The following TTPAL variants were observed in gnomAD, a reference collection of about 807,000 sequenced individuals.
The protein encoded by TTPAL is alpha-tocopherol transfer protein-like.
TTPAL carries 21 observed loss-of-function variants against 28.7 expected under a neutral mutation model. The observed-to-expected ratio is 0.73, with a 90% CI of 0.52 to 1.06. The LOEUF (loss-of-function observed/expected upper bound fraction) is 1.06, where lower values mean the gene tolerates loss of function less well. Among genes scored for constraint, TTPAL ranks in the 50% least tolerant of loss-of-function variants. The pLI is 0.00. For missense variants in TTPAL, 345 were observed against 425.5 expected (o/e 0.81, Z 1.67); for synonymous variants, 169 against 171.9 (o/e 0.98, Z 0.13).
At chr20:44,483,072 G>A (rs1490893405) in intron 2 of TTPAL, among the ~76,000 whole-genome samples, 1 of 152,138 alleles carries the variant, frequency 6.6e-6, no homozygotes, top group Non-Finnish European at 1.5e-5. Flanking sequence ...TGGCCAGGCT[G>A]GTCTTGAACT....
chr20:44,486,488 G>A (rs766165025), intron 3 of TTPAL, 108 bp from the exon 4 acceptor site: 4 of 700,814 alleles, frequency 5.7e-6, no homozygotes, highest in Non-Finnish European at 1.0e-5. Flanking sequence ...GAGGCCATAA[G>A]GATCAGATCA....
intron 3 of TTPAL, among the ~76,000 whole-genome samples, chr20:44,485,627 T>G (rs367603909): frequency 6.6e-6 from 1 of 152,144 alleles, no homozygotes; most frequent in Non-Finnish European, 1.5e-5. Context: ...TTGGACATTA[T>G]CAAACATTTG....
chr20:44,478,569 A>C (rs535143847), intron 1 of TTPAL: 10 of 152,364 alleles, frequency 6.6e-5, no homozygotes, highest in African/African-American at 2.4e-4. Context: ...GTAGTAAAAA[A>C]TTCAAACAGT....
rs1377170401 is a variant in TTPAL, at chr20:44,491,739, A to C, written c.*2198A>C. On this transcript the variant is annotated 3_prime_UTR_variant, in exon 5 of 5. Transcript: ENST00000262605. ...GGCAAGTGGGATGGCTGAAGGAGGG[A>C]AGGAGGGGGTTCAGAACCCACTGGC... The C allele has an allele frequency of 1.3e-5, 2 of 152,278 alleles. No individual in the cohort carries two copies. Among genetic ancestry groups the C allele is most frequent in the Admixed American group, 1.3e-4 (2 of 15,274 alleles). 9.4% of individuals were successfully genotyped at this position (152,278 alleles called of 1,614,324 possible).
intron 1 of TTPAL, among the ~76,000 whole-genome samples, chr20:44,477,555 C>A (rs2064055733): frequency 6.6e-6 from 1 of 152,218 alleles, no homozygotes; most frequent in Admixed American, 6.5e-5. Context: ...TCTAAATGGT[C>A]TGCTTCAGTC....
chr20:44,477,930 C>T (rs2064061108), intron 1 of TTPAL, among the ~76,000 whole-genome samples: 1 of 152,176 alleles, frequency 6.6e-6, no homozygotes, highest in South Asian at 2.1e-4. Flanking sequence ...GTTGGGATTA[C>T]AGGCATAAGC....
intron 4 of TTPAL, among the ~76,000 whole-genome samples, chr20:44,487,727 A>G (rs1253555061): frequency 6.6e-6 from 1 of 152,138 alleles, no homozygotes; most frequent in Admixed American, 6.5e-5. Context: ...CTCCTTCCCT[A>G]GGCCTAGGAA....
chr20:44,483,306 T>A (rs536022851), intron 2 of TTPAL, among the ~76,000 whole-genome samples: 9 of 152,288 alleles, frequency 5.9e-5, no homozygotes, highest in Admixed American at 4.6e-4. Flanking sequence ...ACCACTGCTG[T>A]CCTCAACAGG....
Position 44,493,132 on chromosome 20 carries a change from A to G in TTPAL, c.*3591A>G, listed in dbSNP as rs977396939. On this transcript the variant is annotated 3_prime_UTR_variant, in exon 5 of 5. Coordinates refer to ENST00000262605, the MANE Select transcript of TTPAL (RefSeq NM_001039199.3). ...ACCCCGTCTCTACTAAAAATACAAA[A>G]AATTGGCTGGGCATGGTGGTGGGTG... is the stretch of plus-strand genomic sequence containing the variant. The G allele has an allele frequency of 5.3e-5, 8 of 152,076 alleles. No individual in the cohort carries two copies. The highest frequency in any genetic ancestry group is 1.9e-4 in the African/African-American group (8 of 41,394). 9.4% of individuals were successfully genotyped at this position (152,076 alleles called of 1,614,324 possible).
rs2064235525 is a variant in TTPAL at position 44,494,376 on chromosome 20, C to CT, written c.*4836dup. The CT allele has an allele frequency of 1.3e-5, 2 of 152,756 alleles. No homozygotes were observed. Among genetic ancestry groups the CT allele is most frequent in the Admixed American group, 6.5e-5 (1 of 15,276 alleles). 9.5% of individuals were successfully genotyped at this position (152,756 alleles called of 1,614,324 possible). ...ATGGAGTGGGAGGTGAGCTAATTCT[C>CT]TGACCAGCTTGGGGCACTGTTTCAG... On this transcript the variant is annotated 3_prime_UTR_variant, in exon 5 of 5. Transcript: ENST00000262605.
chr20:44,487,489 A>C (rs2064163065), intron 4 of TTPAL, among the ~76,000 whole-genome samples: 1 of 152,168 alleles, frequency 6.6e-6, no homozygotes, highest in South Asian at 2.1e-4. Context: ...GGTCATTAGA[A>C]CTGTGGGGTT....
At chr20:44,483,328 C>T (rs2064123636) in intron 2 of TTPAL, among the ~76,000 whole-genome samples, 1 of 152,214 alleles carries the variant, frequency 6.6e-6, no homozygotes, top group African/African-American at 2.4e-5. Context: ...GCTTCACTCC[C>T]AGGCCAGCTC....
At chr20:44,476,449 C>G (rs2064044669) in intron 1 of TTPAL, among the ~76,000 whole-genome samples, 1 of 152,208 alleles carries the variant, frequency 6.6e-6, no homozygotes, top group Non-Finnish European at 1.5e-5. Context: ...TGGGGCTAGA[C>G]GCATCCTTGC....
In TTPAL at chr20:44,490,485, A is replaced by G. The variant is rs2122959403; in HGVS notation, c.*944A>G. 6.6e-6 allele frequency: 1 copy of G among 152,494 alleles called. No homozygotes were observed. The highest frequency in any genetic ancestry group is 1.9e-4 in the East Asian group (1 of 5,328). 9.4% of individuals were successfully genotyped at this position (152,494 alleles called of 1,614,324 possible). A position where few individuals can be genotyped will look rare whatever the true frequency, so the allele number is the denominator to read the frequency against. On this transcript the variant is annotated 3_prime_UTR_variant, in exon 5 of 5. Coordinates refer to ENST00000262605, the MANE Select transcript of TTPAL (RefSeq NM_001039199.3). ...TTACTGAATGTTAGATTTTCTGCCT[A>G]GAAAGATAACTATCTAGATACAAGT...
intron 2 of TTPAL, among the ~76,000 whole-genome samples, chr20:44,482,564 C>T (rs2122830955): frequency 6.9e-6 from 1 of 145,070 alleles, no homozygotes; most frequent in African/African-American, 2.6e-5. Context: ...CAGGGCAAGA[C>T]TCTGTCTCAA....
At chr20:44,478,858 C>T (rs1268596043) in intron 1 of TTPAL, among the ~76,000 whole-genome samples, 3 of 152,164 alleles carry the variant, frequency 2.0e-5, no homozygotes, top group Non-Finnish European at 4.4e-5. Context: ...GTCATGATCT[C>T]GGCTCACTGC....
rs867258127 is a variant in TTPAL, at chr20:44,493,462, A to C, written c.*3921A>C. On this transcript the variant is annotated 3_prime_UTR_variant, in exon 5 of 5. Coordinates refer to ENST00000262605, the MANE Select transcript of TTPAL (RefSeq NM_001039199.3). ...TGGGAATTTTTTTCATTTGGGTAGC[A>C]AAAGCTAGAGTATTGCTGTGGCGAT... 8 of 152,342 alleles carry C rather than the reference A, an allele frequency of 5.3e-5. No individual in the cohort carries two copies. The South Asian group carries it at 8.3e-4, about 16-fold the overall frequency. The allele number at this position is 152,342 out of a possible 1,614,324, so 9.4% of individuals were successfully genotyped here.
intron 1 of TTPAL, among the ~76,000 whole-genome samples, chr20:44,477,875 G>A (rs1019400680): frequency 2.2e-4 from 33 of 151,994 alleles, no homozygotes; most frequent in Non-Finnish European, 4.9e-4. Context: ...GGCTGGTCTC[G>A]AACTCCTGAC....
Position 44,480,355 on chromosome 20 carries a change from C to T in TTPAL, c.356C>T (p.Ser119Leu), listed in dbSNP as rs780969772. The part of the protein sequence containing the change: ...WPEVFNNLKP[S>L]ALKDVLASGF... ...GAAGTCTTCAATAACTTGAAGCCAT[C>T]AGCCTTAAAAGATGTCCTTGCTTCC... is the stretch of plus-strand genomic sequence containing the variant. Residue 119 changes from serine to leucine, a missense_variant, in exon 2 of 5, where the codon TCA becomes TTA. Coordinates refer to ENST00000262605, the MANE Select transcript of TTPAL (RefSeq NM_001039199.3). This position sits in a 1 kb window ranked among gnomAD's most constrained non-coding sequence, Gnocchi z 4.1. The T allele has an allele frequency of 1.9e-6, 3 of 1,614,176 alleles. No individual in the cohort carries two copies. In the South Asian group the frequency reaches 3.3e-5, roughly 18 times the overall value.
Sources: allele counts gnomAD v4.1 joint callset (sites outside exome capture counted in the v4.1 genomes callset), GRCh38; gene constraint gnomAD v4.1.1; non-coding constraint Gnocchi (gnomAD v3.1); transcripts MANE v1.5; gene names NCBI Gene and HGNC (gene_info 2026-07-23, HGNC 2026-07-21).